The following IMMP2L variants were observed in gnomAD, a reference collection of about 807,000 sequenced individuals.
IMMP2L encodes the protein mitochondrial inner membrane protease subunit 2.
IMMP2L carries 18 observed loss-of-function variants against 19.3 expected under a neutral mutation model. The ratio of observed to expected loss-of-function variants is 0.93; its 90% CI spans 0.64 to 1.38. The LOEUF is 1.38. IMMP2L is among the 40% of genes most tolerant of loss of function. The pLI, the probability that IMMP2L is intolerant of heterozygous loss-of-function variation, is 0.00. For missense variants in IMMP2L, 233 were observed against 218.2 expected, an observed-to-expected ratio of 1.07 and a Z score of -0.43; for synonymous variants, 76 against 73.0, an observed-to-expected ratio of 1.04 and a Z score of -0.21.
chr7:111,394,417 A>G (rs868554644), intron 3 of IMMP2L, among the ~76,000 whole-genome samples: 1 of 152,166 alleles, frequency 6.6e-6, no homozygotes, highest in African/African-American at 2.4e-5. Flanking sequence ...AGAAACAAAT[A>G]TGAATCAAGT....
chr7:110,704,563 T>C (rs1424504008), intron 5 of IMMP2L, among the ~76,000 whole-genome samples: 6 of 152,238 alleles, frequency 3.9e-5, no homozygotes, highest in African/African-American at 1.4e-4. Flanking sequence ...CTACCAGAAG[T>C]CAGGTGACAA....
chr7:110,931,542 C>A (rs1320373715), intron 4 of IMMP2L, among the ~76,000 whole-genome samples: 1 of 152,130 alleles, frequency 6.6e-6, no homozygotes, highest in Non-Finnish European at 1.5e-5. Flanking sequence ...CTCAGCTAAT[C>A]TTGACGTGTT....
chr7:110,701,955 G>C (rs1157523632), intron 5 of IMMP2L, among the ~76,000 whole-genome samples: 1 of 149,838 alleles, frequency 6.7e-6, no homozygotes, highest in East Asian at 2.0e-4. Flanking sequence ...TTTTTTTCTT[G>C]AGACAGTGTC....
chr7:111,153,721 A>G (rs570219890), intron 3 of IMMP2L, among the ~76,000 whole-genome samples: 36 of 152,174 alleles, frequency 2.4e-4, no homozygotes, highest in African/African-American at 7.9e-4. Context: ...TGAGAACTAT[A>G]TATTTTCTTT....
chr7:111,320,337 T>C (rs1824554020), intron 3 of IMMP2L, among the ~76,000 whole-genome samples: 1 of 152,082 alleles, frequency 6.6e-6, no homozygotes, highest in South Asian at 2.1e-4. Context: ...ATTCTTACAG[T>C]CCAAATTCTT....
At chr7:110,755,304 TCA>T (rs768855059) in intron 5 of IMMP2L, among the ~76,000 whole-genome samples, 34 of 152,200 alleles carry the variant, frequency 2.2e-4, no homozygotes, top group Admixed American at 7.9e-4. Flanking sequence ...GTAACTTTCT[TCA>T]CAATCATTAG....
At chr7:111,391,736 T>C (rs771601821) in intron 3 of IMMP2L, 17 of 586,276 alleles carry the variant, frequency 2.9e-5, no homozygotes, top group Non-Finnish European at 4.9e-5. Context: ...GCTTCAGCCT[T>C]ATACAATCAG....
chr7:110,761,569 A>G (rs988596437), intron 5 of IMMP2L, among the ~76,000 whole-genome samples: 5 of 152,144 alleles, frequency 3.3e-5, no homozygotes, highest in African/African-American at 1.2e-4. Context: ...CTCTCAGGAG[A>G]TTTTAAATTT....
intron 3 of IMMP2L, among the ~76,000 whole-genome samples, chr7:111,082,968 AC>A (rs1363957026): frequency 6.6e-6 from 1 of 152,098 alleles, no homozygotes; most frequent in Non-Finnish European, 1.5e-5. Flanking sequence ...ATGCCTAAAG[AC>A]TACTACTCTG....
At chr7:110,732,904 G>A (rs1796366956) in intron 5 of IMMP2L, among the ~76,000 whole-genome samples, 1 of 151,724 alleles carries the variant, frequency 6.6e-6, no homozygotes, top group Non-Finnish European at 1.5e-5. Context: ...TCCTCCCTCA[G>A]CTTCCCAAAC....
intron 5 of IMMP2L, among the ~76,000 whole-genome samples, chr7:110,755,150 T>C (rs148581687): frequency 1.4e-4 from 21 of 152,208 alleles, no homozygotes; most frequent in Non-Finnish European, 2.9e-4. Context: ...CATAAAACTA[T>C]AGTTTTTAAA....
intron 3 of IMMP2L, among the ~76,000 whole-genome samples, chr7:111,318,943 T>C (rs907218810): frequency 1.3e-5 from 2 of 152,140 alleles, no homozygotes; most frequent in African/African-American, 2.4e-5. Flanking sequence ...AGCCACAAGT[T>C]AGCCAACTAT....
intron 3 of IMMP2L, among the ~76,000 whole-genome samples, chr7:111,114,738 C>CA (rs567078227): frequency 0.18 from 11,290 of 62,024 alleles, 1,181 homozygotes; most frequent in African/African-American, 0.38. Context: ...GACTCCATCT[C>CA]AAAAAAAAAA....
At chr7:111,243,009 C>T (rs573843196) in intron 3 of IMMP2L, among the ~76,000 whole-genome samples, 1 of 151,944 alleles carries the variant, frequency 6.6e-6, no homozygotes, top group African/African-American at 2.4e-5. Flanking sequence ...TTTTTTCTGT[C>T]ATATCACAAA....
chr7:110,745,973 C>T (rs568590067), intron 5 of IMMP2L, among the ~76,000 whole-genome samples: 2 of 152,040 alleles, frequency 1.3e-5, no homozygotes, highest in Admixed American at 1.3e-4. Context: ...GATGAAGAGT[C>T]AAGACCCAAT....
intron 3 of IMMP2L, among the ~76,000 whole-genome samples, chr7:111,232,706 T>C (rs1813848182): frequency 6.6e-6 from 1 of 152,124 alleles, no homozygotes; most frequent in Non-Finnish European, 1.5e-5. Context: ...GTTTTCAGAA[T>C]GACAGTATTA....
chr7:110,705,318 C>T (rs1205686638), intron 5 of IMMP2L, among the ~76,000 whole-genome samples: 3 of 151,940 alleles, frequency 2.0e-5, no homozygotes, highest in Non-Finnish European at 4.4e-5. Flanking sequence ...AGAGTAAACA[C>T]ATGATTATGT....
intron 3 of IMMP2L, among the ~76,000 whole-genome samples, chr7:110,985,410 T>A (rs1821751123): frequency 6.6e-6 from 1 of 152,104 alleles, no homozygotes; most frequent in Non-Finnish European, 1.5e-5. Flanking sequence ...TTACAACAAA[T>A]CATGAGGATT....
At chr7:111,287,461 C>T (rs529195338) in intron 3 of IMMP2L, among the ~76,000 whole-genome samples, 1 of 151,604 alleles carries the variant, frequency 6.6e-6, no homozygotes, top group South Asian at 2.1e-4. Flanking sequence ...GTAAAGGCAC[C>T]ATGGATGGAG....
Sources: gnomAD v4.1 joint callset for allele counts (sites outside exome capture counted in the v4.1 genomes callset) on GRCh38, gnomAD v4.1.1 for gene constraint, MANE v1.5 for transcripts, NCBI Gene and HGNC (gene_info 2026-07-23, HGNC 2026-07-21) for gene names.